RTL4: variants seen among roughly 807,000 people sequenced by gnomAD.
RTL4 encodes the protein retrotransposon Gag like 4.
In RTL4, 4 loss-of-function variants were observed where a neutral mutation model predicts 5.3. The ratio of observed to expected loss-of-function variants is 0.75; its 90% CI spans 0.37 to 1.72. RTL4 has a LOEUF of 1.72. RTL4 is among the 40% of genes most tolerant of loss of function. The probability of loss-of-function intolerance (pLI) is 0.04; values close to 1 mark genes in which losing one functional copy is unlikely to be tolerated. For synonymous variants in RTL4, 98 were observed against 87.3 expected, an observed-to-expected ratio of 1.12 and a Z score of -0.68; for missense variants, 260 against 227.1, an observed-to-expected ratio of 1.14 and a Z score of -0.93.
chrX:112,457,154 G>A, downstream of RTL4: 1 of 123,148 alleles, frequency 8.1e-6, no homozygotes, highest in South Asian at 3.7e-4. Context: ...CTTTGTTTCT[G>A]GAGAATTATG....
chrX:112,426,940 A>G, the RTL4 span, among the ~76,000 whole-genome samples: 2 of 110,962 alleles, frequency 1.8e-5, no homozygotes, highest in Non-Finnish European at 3.8e-5. Context: ...AATCAAATAA[A>G]CAAGTAATTA....
chrX:112,090,042 A>AT, the RTL4 span, among the ~76,000 whole-genome samples: 5 of 110,479 alleles, frequency 4.5e-5, no homozygotes, highest in Non-Finnish European at 7.6e-5. Flanking sequence ...TCATTTTTTG[A>AT]TTTTCCATTA....
chrX:112,110,541 A>G, the RTL4 span, among the ~76,000 whole-genome samples: 3 of 111,766 alleles, frequency 2.7e-5, no homozygotes, highest in African/African-American at 9.8e-5. Context: ...AACTTAGGAT[A>G]ATACATGTTA....
At chrX:112,209,075 G>T in the RTL4 span, among the ~76,000 whole-genome samples, 3 of 111,996 alleles carry the variant, frequency 2.7e-5, no homozygotes, top group Non-Finnish European at 3.8e-5. Context: ...GAATGGCTGG[G>T]GAAAGACTGA....
At chrX:112,436,590 C>T in the RTL4 span, among the ~76,000 whole-genome samples, 3 of 111,196 alleles carry the variant, frequency 2.7e-5, no homozygotes, top group Non-Finnish European at 5.7e-5. Flanking sequence ...TTGCACAAAT[C>T]GATAGGAGAT....
the RTL4 span, among the ~76,000 whole-genome samples, chrX:112,321,087 A>G: frequency 6.3e-5 from 7 of 111,167 alleles, no homozygotes; most frequent in African/African-American, 2.0e-4. Flanking sequence ...TTGAGCAACA[A>G]TTTGCTGTAT....
At chrX:112,238,330 TATC>T in the RTL4 span, among the ~76,000 whole-genome samples, 2 of 112,279 alleles carry the variant, frequency 1.8e-5, no homozygotes, top group Non-Finnish European at 3.8e-5. Context: ...ATATTTTACT[TATC>T]ATTCTACATC....
the RTL4 span, among the ~76,000 whole-genome samples, chrX:112,147,744 GC>G: frequency 8.9e-6 from 1 of 112,048 alleles, no homozygotes; most frequent in Non-Finnish European, 1.9e-5. Flanking sequence ...TTCAAGACCA[GC>G]CTGGCCAACA....
the RTL4 span, among the ~76,000 whole-genome samples, chrX:112,202,537 CATT>C: frequency 0.096 from 9,316 of 97,067 alleles, 405 homozygotes; most frequent in Non-Finnish European, 0.1. Context: ...TAGTTTTATT[CATT>C]ATTATTATTA....
chrX:112,283,513 C>T, the RTL4 span, among the ~76,000 whole-genome samples: 1 of 111,054 alleles, frequency 9.0e-6, no homozygotes, highest in South Asian at 3.8e-4. Context: ...ACCCAAACTA[C>T]CCCGCAGGGT....
the RTL4 span, among the ~76,000 whole-genome samples, chrX:112,202,537 C>CATTATTATT: frequency 1.4e-3 from 132 of 97,146 alleles, 1 homozygote; most frequent in Non-Finnish European, 1.5e-3. Context: ...TAGTTTTATT[C>CATTATTATT]ATTATTATTA....
chrX:112,431,742 T>C, the RTL4 span, among the ~76,000 whole-genome samples: 2 of 110,310 alleles, frequency 1.8e-5, no homozygotes, highest in South Asian at 3.9e-4. Context: ...ATTTTATTAT[T>C]ATTGTATGTT....
the RTL4 span, among the ~76,000 whole-genome samples, chrX:112,115,204 C>T: frequency 2.7e-5 from 3 of 111,282 alleles, no homozygotes; most frequent in African/African-American, 6.5e-5. Context: ...GCAGCAGAAA[C>T]CCCTCTCCGC....
At chrX:112,304,984 A>G in the RTL4 span, among the ~76,000 whole-genome samples, 7 of 110,093 alleles carry the variant, frequency 6.4e-5, no homozygotes, top group Non-Finnish European at 1.3e-4. Context: ...AAGGCTGTCA[A>G]AAACGTGAAA....
chrX:112,109,691 A>G, the RTL4 span, among the ~76,000 whole-genome samples: 255 of 111,531 alleles, frequency 2.3e-3, no homozygotes, highest in Non-Finnish European at 3.6e-3. Flanking sequence ...ATCCTCTTGT[A>G]TGACAGAAAA....
exon 1 of RTL4, chrX:112,455,248 A>T (rs1182321877): frequency 6.6e-6 from 8 of 1,211,253 alleles, no homozygotes; most frequent in Non-Finnish European, 8.9e-6. Context: ...TCAAAATCTG[A>T]TCTGTAATGA....
chrX:112,402,407 T>TGTGC, the RTL4 span, among the ~76,000 whole-genome samples: 1 of 86,132 alleles, frequency 1.2e-5, no homozygotes, highest in Non-Finnish European at 2.3e-5. Flanking sequence ...TTATTGTGTG[T>TGTGC]GTGTGTGTGT....
At chrX:112,370,681 G>A in the RTL4 span, among the ~76,000 whole-genome samples, 1 of 110,955 alleles carries the variant, frequency 9.0e-6, no homozygotes, top group Non-Finnish European at 1.9e-5. Context: ...TTGTTCGCAC[G>A]CTGAAAGGTT....
the RTL4 span, among the ~76,000 whole-genome samples, chrX:112,292,967 G>C: frequency 8.9e-6 from 1 of 111,908 alleles, no homozygotes; most frequent in Non-Finnish European, 1.9e-5. Flanking sequence ...GTGTAAAGCA[G>C]GCACCTTTGC....
Sources: allele counts gnomAD v4.1 joint callset (sites outside exome capture counted in the v4.1 genomes callset), GRCh38; gene constraint gnomAD v4.1.1; transcripts MANE v1.5; gene names NCBI Gene and HGNC (gene_info 2026-07-23, HGNC 2026-07-21).